LDLRAD4: variants seen among roughly 807,000 people sequenced by gnomAD.
The protein encoded by LDLRAD4 is low density lipoprotein receptor class A domain containing 4, also known as low-density lipoprotein receptor class A domain-containing protein 4.
In LDLRAD4, 5 loss-of-function variants were observed where a neutral mutation model predicts 17.0. The observed-to-expected ratio is 0.29, with a 90% confidence interval of 0.15 to 0.62. The LOEUF (loss-of-function observed/expected upper bound fraction) is 0.62. LDLRAD4 is among the 20% of genes least tolerant of loss of function. The pLI, the probability that LDLRAD4 is intolerant of heterozygous loss-of-function variation, is 0.84. For synonymous variants in LDLRAD4, 168 were observed against 171.8 expected, an observed-to-expected ratio of 0.98 and a Z score of 0.17; for missense variants, 340 against 424.7, an observed-to-expected ratio of 0.80 and a Z score of 1.75.
intron 1 of LDLRAD4, among the ~76,000 whole-genome samples, chr18:13,256,786 A>G (rs1345357120): frequency 6.6e-6 from 1 of 152,212 alleles, no homozygotes; most frequent in Admixed American, 6.5e-5. Flanking sequence ...GAAGGCGTCA[A>G]AAGCAGGGGT....
intron 3 of LDLRAD4, among the ~76,000 whole-genome samples, chr18:13,495,860 G>A (rs1054552652): frequency 6.6e-6 from 1 of 152,340 alleles, no homozygotes; most frequent in Admixed American, 6.5e-5. Flanking sequence ...TGTTCAGAGA[G>A]CGCGAAGACC....
At chr18:13,417,766 T>C (rs929982406) in intron 2 of LDLRAD4, among the ~76,000 whole-genome samples, 1 of 152,200 alleles carries the variant, frequency 6.6e-6, no homozygotes. Context: ...ATAATCATGC[T>C]CCCTTACAGT....
chr18:13,556,352 TAAAC>T (rs1378375276), intron 3 of LDLRAD4, among the ~76,000 whole-genome samples: 1 of 152,242 alleles, frequency 6.6e-6, no homozygotes, highest in African/African-American at 2.4e-5. Context: ...TGGATTGCTA[TAAAC>T]TCTGCTTTCA....
intron 3 of LDLRAD4, among the ~76,000 whole-genome samples, chr18:13,578,825 G>GTTTTTTTTTTTTTTTTTTTT (rs1286958694): frequency 8.0e-5 from 4 of 49,874 alleles, no homozygotes; most frequent in Admixed American, 1.7e-4. Flanking sequence ...AGTTGTCCGG[G>GTTTTTTTTTTTTTTTTTTTT]TCTTTTTTTT....
intron 1 of LDLRAD4, among the ~76,000 whole-genome samples, chr18:13,259,562 A>G (rs1193138609): frequency 1.3e-5 from 2 of 152,190 alleles, no homozygotes; most frequent in African/African-American, 4.8e-5. Context: ...GTACTTAGTG[A>G]AAGAAACCAC....
At chr18:13,438,372 G>C in exon 3 of LDLRAD4, 1 of 1,613,978 alleles carries the variant, frequency 6.2e-7, no homozygotes, top group Non-Finnish European at 8.5e-7. Flanking sequence ...CCCGCCTCCG[G>C]GCATCTTCAA....
intron 3 of LDLRAD4, chr18:13,491,486 CTT>C (rs2093357261): frequency 6.6e-6 from 1 of 152,214 alleles, no homozygotes; most frequent in African/African-American, 2.4e-5. Flanking sequence ...ATAAGTTTGA[CTT>C]ATTTCTTTTT....
intron 3 of LDLRAD4, among the ~76,000 whole-genome samples, chr18:13,567,566 ACTT>A (rs1165254988): frequency 6.6e-6 from 1 of 152,186 alleles, no homozygotes; most frequent in Non-Finnish European, 1.5e-5. Context: ...TCAGCACTGA[ACTT>A]CTCTGAAGAT....
chr18:13,254,959 G>A (rs2145870273), intron 1 of LDLRAD4, among the ~76,000 whole-genome samples: 1 of 152,258 alleles, frequency 6.6e-6, no homozygotes, highest in African/African-American at 2.4e-5. Context: ...ACGGGACCCT[G>A]TCTCAAAAAA....
chr18:13,230,508 A>G (rs2042018086), intron 1 of LDLRAD4, among the ~76,000 whole-genome samples: 1 of 152,136 alleles, frequency 6.6e-6, no homozygotes. Flanking sequence ...ATATGTATAT[A>G]ATTTATAATT....
rs572854388 is a variant in LDLRAD4, at chr18:13,465,643, T to C, written c.181+27259T>C. On this transcript the variant is annotated intron_variant, in intron 3 of 5. Transcript: ENST00000359446. ...CACAACACCTACAAACCATACAACA[T>C]TTGGCATCAGGGTTGTATCTGTTGG... Among the ~76,000 whole-genome samples, 3 of 152,340 alleles carry C rather than the reference T, an allele frequency of 2.0e-5. No individual in the cohort carries two copies. The East Asian group carries it at 5.8e-4, about 29-fold the overall frequency.
intron 2 of LDLRAD4, among the ~76,000 whole-genome samples, chr18:13,430,442 A>T (rs570860508): frequency 2.0e-5 from 3 of 152,152 alleles, no homozygotes; most frequent in Non-Finnish European, 4.4e-5. Flanking sequence ...AACCCTGCAG[A>T]TTGAGAGCTG....
chr18:13,374,217 C>T (rs545734132), intron 1 of LDLRAD4, among the ~76,000 whole-genome samples: 23 of 152,298 alleles, frequency 1.5e-4, no homozygotes, highest in African/African-American at 5.5e-4. Flanking sequence ...AGGCCAGAGC[C>T]CTCCCAGCCC....
Position 13,576,056 on chromosome 18 carries a change from C to T in LDLRAD4, c.182-45061C>T, listed in dbSNP as rs560544576. On this transcript the variant is annotated intron_variant, in intron 3 of 5. Coordinates refer to ENST00000359446, the Ensembl canonical transcript of LDLRAD4. Reference sequence around the variant, plus strand: ...TTTACTCTGCTGACTGTTCCTTTTGCTGTGCAGAAGTTTTTATGAAGCAAG... The same window carrying T: ...TTTACTCTGCTGACTGTTCCTTTTGTTGTGCAGAAGTTTTTATGAAGCAAG... 1.7e-4 allele frequency among the ~76,000 whole-genome samples: 26 copies of T among 152,288 alleles called. 1 individual carries two copies. The South Asian group carries it at 4.8e-3, about 28-fold the overall frequency.
intron 2 of LDLRAD4, among the ~76,000 whole-genome samples, chr18:13,388,756 A>C (rs139804776): frequency 1.4e-3 from 214 of 152,342 alleles, no homozygotes; most frequent in African/African-American, 5.0e-3. Context: ...CGGCGTGAAG[A>C]GATGGAGCGC....
chr18:13,260,527 C>T (rs1032861656), intron 1 of LDLRAD4, among the ~76,000 whole-genome samples: 2 of 152,216 alleles, frequency 1.3e-5, no homozygotes, highest in Non-Finnish European at 2.9e-5. Flanking sequence ...GCAAAATTTG[C>T]TCCCGTTCAG....
At chr18:13,435,354 C>CT (rs1395150154) in intron 2 of LDLRAD4, among the ~76,000 whole-genome samples, 1 of 152,216 alleles carries the variant, frequency 6.6e-6, no homozygotes, top group African/African-American at 2.4e-5. Context: ...TCTGGTCATT[C>CT]TGATTCCAGT....
intron 3 of LDLRAD4, chr18:13,614,918 CGACAAGTTCACTGT>C (rs2039934378): frequency 2.0e-5 from 3 of 152,194 alleles, no homozygotes; most frequent in Non-Finnish European, 4.4e-5. Context: ...GAAGGAAATG[CGACAAGTTCACTGT>C]GCAGTAGCCA....
rs558469313 is a variant in LDLRAD4 at position 13,476,725 on chromosome 18, A to C, written c.181+38341A>C. ...TCCCTAGGCCCTCTCTGTCTCCTCCACACAGAGGCCAAGAGCCTCTGCAGG... is the reference window on the plus strand; with the variant it reads ...TCCCTAGGCCCTCTCTGTCTCCTCCCCACAGAGGCCAAGAGCCTCTGCAGG... On this transcript the variant is annotated intron_variant, in intron 3 of 5. Coordinates refer to ENST00000359446, the Ensembl canonical transcript of LDLRAD4. 2.0e-5 allele frequency among the ~76,000 whole-genome samples: 3 copies of C among 152,060 alleles called. No homozygotes were observed. The South Asian group carries it at 6.3e-4, about 32-fold the overall frequency.
Sources: allele counts gnomAD v4.1 joint callset (sites outside exome capture counted in the v4.1 genomes callset), GRCh38; gene constraint gnomAD v4.1.1; transcripts MANE v1.5; gene names NCBI Gene and HGNC (gene_info 2026-07-23, HGNC 2026-07-21).